The following RAD51B variants were observed in gnomAD, a reference collection of about 807,000 sequenced individuals.
RAD51B encodes DNA repair protein RAD51 homolog 2.
In RAD51B, 38 loss-of-function variants were observed where a neutral mutation model predicts 42.2. The ratio of observed to expected loss-of-function variants is 0.90; its 90% CI spans 0.70 to 1.18. The LOEUF (loss-of-function observed/expected upper bound fraction) is 1.18. RAD51B is among the 50% of genes most tolerant of loss of function. The probability of loss-of-function intolerance (pLI) is 0.00; values close to 1 mark genes in which losing one functional copy is unlikely to be tolerated. For missense variants in RAD51B, 373 were observed against 400.7 expected (o/e 0.93, Z 0.59); for synonymous variants, 154 against 145.2 (o/e 1.06, Z -0.43).
At chr14:68,341,267 A>G (rs1202374690) in intron 8 of RAD51B, among the ~76,000 whole-genome samples, 1 of 152,242 alleles carries the variant, frequency 6.6e-6, no homozygotes, top group Admixed American at 6.5e-5. Context: ...AGGAAAAATT[A>G]GTTGATCTGA....
intron 7 of RAD51B, among the ~76,000 whole-genome samples, chr14:68,025,385 C>G (rs1344424971): frequency 6.6e-6 from 1 of 151,006 alleles, no homozygotes; most frequent in Non-Finnish European, 1.5e-5. Flanking sequence ...AGTCCCTCTT[C>G]CTCAATTTTC....
At chr14:67,822,493 A>T (rs551097874) in intron 1 of RAD51B, among the ~76,000 whole-genome samples, 1 of 152,004 alleles carries the variant, frequency 6.6e-6, no homozygotes, top group African/African-American at 2.4e-5. Context: ...CTTGGGCAAC[A>T]TGGCAAAACC....
intron 7 of RAD51B, among the ~76,000 whole-genome samples, chr14:68,272,466 T>C (rs2081123448): frequency 6.6e-6 from 1 of 151,408 alleles, no homozygotes; most frequent in Non-Finnish European, 1.5e-5. Flanking sequence ...TGTAAATAAA[T>C]AAATGTATAT....
chr14:68,017,970 GAATAAATA>G (rs148672009), intron 7 of RAD51B, among the ~76,000 whole-genome samples: 82 of 149,440 alleles, frequency 5.5e-4, no homozygotes, highest in African/African-American at 1.7e-3. Context: ...ACTCCGTCTC[GAATAAATA>G]AATAAATAAA....
chr14:67,998,243 G>A (rs1409232463), intron 7 of RAD51B, among the ~76,000 whole-genome samples: 3 of 152,158 alleles, frequency 2.0e-5, no homozygotes, highest in Non-Finnish European at 2.9e-5. Context: ...ATAAACATGG[G>A]TCTTTGAGGC....
chr14:68,231,217 T>C (rs1401810003), intron 7 of RAD51B, among the ~76,000 whole-genome samples: 2 of 152,204 alleles, frequency 1.3e-5, no homozygotes, highest in East Asian at 1.9e-4. Context: ...TTTTCCTTCA[T>C]GCTTTCTTTC....
intron 7 of RAD51B, among the ~76,000 whole-genome samples, chr14:68,122,850 TA>T (rs1207740366): frequency 6.6e-6 from 1 of 152,208 alleles, no homozygotes; most frequent in Non-Finnish European, 1.5e-5. Flanking sequence ...TGCAACTTGT[TA>T]AAAGAATGAA....
At chr14:68,432,539 T>G (rs2085037347) in intron 9 of RAD51B, among the ~76,000 whole-genome samples, 2 of 152,252 alleles carry the variant, frequency 1.3e-5, no homozygotes, top group South Asian at 4.1e-4. Context: ...CTTTGTTGGT[T>G]GAAAGTCTGT....
intron 8 of RAD51B, among the ~76,000 whole-genome samples, chr14:68,362,587 C>T (rs1194282973): frequency 6.6e-6 from 1 of 152,168 alleles, no homozygotes; most frequent in Non-Finnish European, 1.5e-5. Flanking sequence ...CAGTGGCTCA[C>T]ACCTGTAATC....
chr14:68,265,676 C>T (rs1020058119), intron 7 of RAD51B, among the ~76,000 whole-genome samples: 1 of 152,122 alleles, frequency 6.6e-6, no homozygotes, highest in East Asian at 1.9e-4. Context: ...CACTTGAACC[C>T]AGGAGGCGGA....
intron 7 of RAD51B, among the ~76,000 whole-genome samples, chr14:68,019,715 T>C (rs2075833317): frequency 6.6e-6 from 1 of 152,184 alleles, no homozygotes; most frequent in South Asian, 2.1e-4. Flanking sequence ...GGGATGACTG[T>C]GATTTTATCA....
chr14:68,617,535 C>CT (rs1272806378), intron 10 of RAD51B, among the ~76,000 whole-genome samples: 1 of 152,148 alleles, frequency 6.6e-6, no homozygotes, highest in African/African-American at 2.4e-5. Context: ...ATTTCTGGAG[C>CT]TTTTTTTACA....
chr14:67,873,083 A>G (rs1265840830), intron 5 of RAD51B, among the ~76,000 whole-genome samples: 2 of 152,238 alleles, frequency 1.3e-5, no homozygotes, highest in East Asian at 1.9e-4. Context: ...GCCAAAATTG[A>G]CAAATGGGAT....
intron 10 of RAD51B, among the ~76,000 whole-genome samples, chr14:68,629,800 A>C (rs1008779718): frequency 6.6e-6 from 1 of 152,210 alleles, no homozygotes; most frequent in Non-Finnish European, 1.5e-5. Flanking sequence ...ATACTTTATA[A>C]TTTTCACATT....
intron 8 of RAD51B, among the ~76,000 whole-genome samples, chr14:68,383,816 T>A (rs925298514): frequency 2.6e-5 from 4 of 152,238 alleles, no homozygotes; most frequent in Non-Finnish European, 5.9e-5. Context: ...AGGCATCATT[T>A]GGTCCACAGC....
At chr14:68,605,638 G>A (rs2140100046) in intron 10 of RAD51B, among the ~76,000 whole-genome samples, 1 of 152,262 alleles carries the variant, frequency 6.6e-6, no homozygotes, top group South Asian at 2.1e-4. Context: ...CTTCTCATAA[G>A]GACAGTAGTC....
intron 10 of RAD51B, among the ~76,000 whole-genome samples, chr14:68,638,927 T>C (rs892453745): frequency 6.6e-6 from 1 of 152,110 alleles, no homozygotes; most frequent in Non-Finnish European, 1.5e-5. Flanking sequence ...CTCATCAGAT[T>C]TGACAGAAGT....
intron 10 of RAD51B, among the ~76,000 whole-genome samples, chr14:68,549,459 AGGCT>A (rs898539801): frequency 5.1e-5 from 5 of 98,644 alleles, no homozygotes; most frequent in Non-Finnish European, 1.0e-4. Context: ...TCTGTCGCCC[AGGCT>A]GGAGTGCAGT....
intron 8 of RAD51B, among the ~76,000 whole-genome samples, chr14:68,405,066 A>G (rs750681165): frequency 4.3e-4 from 65 of 152,190 alleles, no homozygotes; most frequent in Non-Finnish European, 7.6e-4. Context: ...GTAACTAACC[A>G]TGTGAACTGG....
Sources: allele counts gnomAD v4.1 joint callset (sites outside exome capture counted in the v4.1 genomes callset), GRCh38; gene constraint gnomAD v4.1.1; transcripts MANE v1.5; gene names NCBI Gene and HGNC (gene_info 2026-07-23, HGNC 2026-07-21).